Variants in ATP13A4 observed in about 807,000 individuals in gnomAD.
ATP13A4 encodes the protein ATPase 13A4.
ATP13A4 carries 114 observed loss-of-function variants against 142.5 expected under a neutral mutation model. The observed-to-expected ratio is 0.80, with a 90% confidence interval of 0.69 to 0.93. The LOEUF (loss-of-function observed/expected upper bound fraction) is 0.93, where lower values mean the gene tolerates loss of function less well. ATP13A4 is among the 40% of genes least tolerant of loss of function. The pLI is 0.00. For synonymous variants in ATP13A4, 488 were observed against 514.8 expected, an observed-to-expected ratio of 0.95 and a Z score of 0.70; for missense variants, 1,392 against 1,454.0, an observed-to-expected ratio of 0.96 and a Z score of 0.69.
At chr3:193,578,453 T>G (rs1378344819) in intron 2 of ATP13A4, among the ~76,000 whole-genome samples, 1 of 152,160 alleles carries the variant, frequency 6.6e-6, no homozygotes, top group East Asian at 1.9e-4. Flanking sequence ...TCTCTCAGTA[T>G]GAAAAATAAA....
intron 3 of ATP13A4, among the ~76,000 whole-genome samples, chr3:193,496,333 G>A (rs556838032): frequency 2.0e-5 from 3 of 152,118 alleles, no homozygotes; most frequent in South Asian, 4.1e-4. Context: ...ACTACAAAGC[G>A]ATAGTAACTA....
In ATP13A4 at chr3:193,457,024, C is replaced by T; in HGVS notation, c.1891G>A (p.Ala631Thr). The part of the protein sequence containing the change: ...AFMKGAPERV[A>T]SFCQPETVPT... ...CCTGTCTCAGGTTGGCAAAAGCTGG[C>T]CACCCTCTCTGGTGCACCTTTCATG... The change falls in exon 16 of 30, where the codon GCC (alanine) becomes ACC (threonine). Residue 631 changes from alanine to threonine, a missense_variant. Coordinates refer to ENST00000342695, the MANE Select transcript of ATP13A4 (RefSeq NM_032279.4). 2 of 1,613,942 alleles carry T rather than the reference C, an allele frequency of 1.2e-6. No individual in the cohort carries two copies. Among genetic ancestry groups the T allele is most frequent in the Non-Finnish European group, 1.7e-6 (2 of 1,179,954 alleles).
intron 25 of ATP13A4, 71 bp from the exon 26 acceptor site, chr3:193,414,821 A>C: frequency 6.8e-7 from 1 of 1,461,778 alleles, no homozygotes; most frequent in South Asian, 1.2e-5. Context: ...GAATGGCATA[A>C]GTTCATTGGC....
chr3:193,499,233 T>G (rs56320859), intron 3 of ATP13A4, among the ~76,000 whole-genome samples: 76,016 of 152,070 alleles, frequency 0.5, 20,130 homozygotes, highest in African/African-American at 0.69. Flanking sequence ...AGAGTGAATT[T>G]CCAGTAGGAA....
intron 2 of ATP13A4, among the ~76,000 whole-genome samples, chr3:193,576,249 C>CTTTT (rs59910562): frequency 0.014 from 784 of 54,436 alleles, 130 homozygotes; most frequent in East Asian, 0.019. Context: ...TTGAATCAAT[C>CTTTT]TTTTTTTTTT....
Position 193,465,969 on chromosome 3 carries a change from C to G in ATP13A4, c.1272+56G>C, listed in dbSNP as rs1026404859. 8 of 1,603,970 alleles carry G rather than the reference C, an allele frequency of 5.0e-6. No individual in the cohort carries two copies. In the African/African-American group the frequency reaches 8.0e-5, roughly 16 times the overall value. Reference sequence around the variant, plus strand: ...TAGGTTAAGGCCAACATGCACAGTACAAAATATACAGAGATGAGTGTGTGT... The same window carrying G: ...TAGGTTAAGGCCAACATGCACAGTAGAAAATATACAGAGATGAGTGTGTGT... On this transcript the variant is annotated intron_variant, in intron 11 of 29. Transcript: ENST00000342695.
At chr3:193,553,451 C>A (rs996525765) in intron 1 of ATP13A4, 1 of 152,182 alleles carries the variant, frequency 6.6e-6, no homozygotes, top group Non-Finnish European at 1.5e-5. Flanking sequence ...GAGCCCCTGC[C>A]TTCTGGTGAA....
chr3:193,509,758 G>A (rs1261572035), intron 2 of ATP13A4, among the ~76,000 whole-genome samples: 1 of 152,182 alleles, frequency 6.6e-6, no homozygotes, highest in Non-Finnish European at 1.5e-5. Context: ...TAACAGAGAA[G>A]GTGATATGTG....
At chr3:193,508,997 A>G (rs959093659) in intron 2 of ATP13A4, among the ~76,000 whole-genome samples, 5 of 152,132 alleles carry the variant, frequency 3.3e-5, no homozygotes, top group African/African-American at 1.2e-4. Flanking sequence ...AGGAAAAAAA[A>G]AAAAAGCTGA....
chr3:193,430,105 A>G (rs1387701), intron 25 of ATP13A4, among the ~76,000 whole-genome samples: 111,261 of 151,402 alleles, frequency 0.73, 41,127 homozygotes, highest in Admixed American at 0.77. Flanking sequence ...GAATAAATAA[A>G]AGCTGCTTCC....
chr3:193,403,927 T>C (rs1351779957), intron 29 of ATP13A4: 7 of 985,330 alleles, frequency 7.1e-6, no homozygotes, highest in African/African-American at 5.2e-5. Flanking sequence ...CCAGATATAG[T>C]AGTTTTCCTA....
Position 193,414,650 on chromosome 3 carries a change from G to A in ATP13A4, c.2943C>T (p.Leu981=), listed in dbSNP as rs771709125. Residue 981 remains leucine, a synonymous_variant, in exon 26 of 30, where the codon CTC becomes CTT. Coordinates refer to ENST00000342695, the MANE Select transcript of ATP13A4 (RefSeq NM_032279.4). ...LLLSVIFNIL[L]SLAMHIAGFI... ...AGCCTGCAATATGCATGGCCAGGCT[G>A]AGAAGAATGTTGAAAATCACAGAGA... The A allele has an allele frequency of 9.3e-6, 15 of 1,614,022 alleles. No homozygotes were observed. The Admixed American group carries it at 1.5e-4, about 16-fold the overall frequency.
intron 2 of ATP13A4, among the ~76,000 whole-genome samples, chr3:193,576,031 C>T (rs1293547998): frequency 6.6e-6 from 1 of 152,090 alleles, no homozygotes; most frequent in Non-Finnish European, 1.5e-5. Flanking sequence ...GCCAGGGATG[C>T]TGTCAAGAAT....
chr3:193,528,312 T>C (rs1185457047), intron 1 of ATP13A4, among the ~76,000 whole-genome samples: 4 of 152,184 alleles, frequency 2.6e-5, no homozygotes, highest in Admixed American at 2.0e-4. Context: ...GCGAAGACTA[T>C]TGGATTCATT....
intron 1 of ATP13A4, among the ~76,000 whole-genome samples, chr3:193,536,686 T>C (rs986343351): frequency 1.3e-5 from 2 of 152,054 alleles, no homozygotes; most frequent in African/African-American, 4.8e-5. Flanking sequence ...AAACTTACTC[T>C]GTTTACATAT....
At chr3:193,500,112 T>C (rs1720457996) in intron 3 of ATP13A4, among the ~76,000 whole-genome samples, 1 of 152,138 alleles carries the variant, frequency 6.6e-6, no homozygotes, top group Non-Finnish European at 1.5e-5. Flanking sequence ...TTAAGTACAA[T>C]ATTTGCAAGA....
intron 8 of ATP13A4, among the ~76,000 whole-genome samples, chr3:193,472,678 C>T (rs1718693845): frequency 6.6e-6 from 1 of 152,106 alleles, no homozygotes; most frequent in African/African-American, 2.4e-5. Flanking sequence ...ATGGTAAAGG[C>T]ATTAAATGTG....
rs748758420 is a variant in ATP13A4, at chr3:193,491,365, A to G, written c.567T>C (p.Val189=). 6.2e-7 allele frequency: 1 copy of G among 1,601,652 alleles called. No individual in the cohort carries two copies. Among genetic ancestry groups the G allele is most frequent in the South Asian group, 1.1e-5 (1 of 90,798 alleles). ...GCAGTTTCCAAATTGGTGTAACTTC[A>G]ACATCGATAGTATTAGGCCCACATA... The part of the protein sequence containing the change: ...RLICGPNTID[V]EVTPIWKLLI... Residue 189 remains valine, a synonymous_variant, in exon 6 of 30, where the codon GTT becomes GTC. Coordinates refer to ENST00000342695, the MANE Select transcript of ATP13A4 (RefSeq NM_032279.4).
Position 193,441,546 on chromosome 3 carries a change from T to C in ATP13A4, c.2359A>G (p.Arg787Gly). ...NIRDEVSDKG[R>G]EGSYHFALTG... Reference sequence around the variant, plus strand: ...AGGGCAAAATGGTAACTTCCTTCTCTGCCTTTATCAGAGACTTCATCCCTG... The same window carrying C: ...AGGGCAAAATGGTAACTTCCTTCTCCGCCTTTATCAGAGACTTCATCCCTG... The change falls in exon 20 of 30, where the codon AGA becomes GGA. Residue 787 changes from arginine to glycine, a missense_variant. Transcript: ENST00000342695. 6.2e-7 allele frequency: 1 copy of C among 1,613,468 alleles called. No individual in the cohort carries two copies. Among genetic ancestry groups the C allele is most frequent in the Non-Finnish European group, 8.5e-7 (1 of 1,179,454 alleles).
Sources: allele counts gnomAD v4.1 joint callset (sites outside exome capture counted in the v4.1 genomes callset), GRCh38; gene constraint gnomAD v4.1.1; transcripts MANE v1.5; gene names NCBI Gene and HGNC (gene_info 2026-07-23, HGNC 2026-07-21).